Variants in TNPO3 observed in about 807,000 individuals in gnomAD.
TNPO3 encodes transportin 3.
TNPO3 carries 65 observed loss-of-function variants against 122.8 expected under a neutral mutation model. The ratio of observed to expected loss-of-function variants is 0.53; its 90% CI spans 0.43 to 0.65. The LOEUF (loss-of-function observed/expected upper bound fraction) is 0.65, where lower values mean the gene tolerates loss of function less well. TNPO3 is among the 30% of genes least tolerant of loss of function. The pLI is 0.00. For synonymous variants in TNPO3, 372 were observed against 411.2 expected (o/e 0.90, Z 1.15); for missense variants, 850 against 1,136.7 (o/e 0.75, Z 3.63).
intron 7 of TNPO3, 45 bp from the exon 8 acceptor site, chr7:128,997,580 G>A: frequency 6.6e-7 from 1 of 1,515,214 alleles, no homozygotes; most frequent in Non-Finnish European, 9.1e-7. Flanking sequence ...GAAAGGAATA[G>A]AATAAGAAGA....
intron 1 of TNPO3, among the ~76,000 whole-genome samples, chr7:129,028,147 G>A (rs962835224): frequency 2.8e-4 from 42 of 152,088 alleles, no homozygotes; most frequent in African/African-American, 9.7e-4. Context: ...TCTTGACTTG[G>A]GTGGTGGCTA....
intron 7 of TNPO3, among the ~76,000 whole-genome samples, chr7:128,998,923 G>A (rs1299960265): frequency 2.0e-5 from 3 of 151,702 alleles, no homozygotes; most frequent in African/African-American, 4.8e-5. Context: ...GTGTGATCTT[G>A]GCTCACTGCA....
intron 14 of TNPO3, among the ~76,000 whole-genome samples, chr7:128,981,862 G>A (rs1487846862): frequency 6.6e-6 from 1 of 151,636 alleles, no homozygotes; most frequent in Non-Finnish European, 1.5e-5. Context: ...CCAAATAGCT[G>A]GGACCACAGG....
At position 129,000,572 on chromosome 7, in the gene TNPO3, A is replaced by G; in HGVS notation, c.873-5T>C. 1 of 1,612,568 alleles carries G rather than the reference A, an allele frequency of 6.2e-7. No individual in the cohort carries two copies. Among genetic ancestry groups the G allele is most frequent in the Non-Finnish European group, 8.5e-7 (1 of 1,179,184 alleles). Reference sequence around the variant, plus strand: ...ATACGGCAGTAATTCAGAACTCTGTAGAAGACAGGGGAATGAGAACAATGA... The same window carrying G: ...ATACGGCAGTAATTCAGAACTCTGTGGAAGACAGGGGAATGAGAACAATGA... On this transcript the variant is annotated splice_polypyrimidine_tract_variant and splice_region_variant and intron_variant, in intron 6 of 22. Coordinates refer to ENST00000265388, the MANE Select transcript of TNPO3 (RefSeq NM_012470.4).
chr7:128,992,081 T>C lies in TNPO3; in HGVS notation c.1276A>G (p.Thr426Ala), dbSNP rs2150354070. The change falls in exon 10 of 23, where the codon ACT becomes GCT. Residue 426 changes from threonine (T) to alanine (A), a missense_variant. By Grantham distance (58) the Thr-to-Ala change is moderately conservative (BLOSUM62 0). Transcript: ENST00000265388. Reference sequence around the variant, plus strand: ...CAGGGTGGGTTGCCTTCTTTCAGAGTAGAATATAACTAGAGAAGAAGAGGT... The same window carrying C: ...CAGGGTGGGTTGCCTTCTTTCAGAGCAGAATATAACTAGAGAAGAAGAGGT... ...SMECFAQLYS[T>A]LKEGNPPWEV... The C allele has an allele frequency of 6.3e-7, 1 of 1,595,092 alleles. No individual in the cohort carries two copies. Among genetic ancestry groups the C allele is most frequent in the East Asian group, 2.3e-5 (1 of 44,170 alleles).
At chr7:129,016,901 A>G in intron 3 of TNPO3, 82 bp downstream of exon 3, 1 of 1,146,696 alleles carries the variant, frequency 8.7e-7, no homozygotes, top group Non-Finnish European at 1.3e-6. Context: ...ATAGTCAAAT[A>G]TCTAGCTATT....
At chr7:128,983,269 C>T (rs1242481668) in intron 13 of TNPO3, among the ~76,000 whole-genome samples, 6 of 152,030 alleles carry the variant, frequency 3.9e-5, no homozygotes, top group East Asian at 3.9e-4. Flanking sequence ...TACAATGGCG[C>T]GATTTCGGTT....
intron 7 of TNPO3, among the ~76,000 whole-genome samples, chr7:128,997,976 T>C (rs1483463805): frequency 6.6e-6 from 1 of 151,180 alleles, no homozygotes; most frequent in African/African-American, 2.4e-5. Flanking sequence ...TAGCTGGGAC[T>C]ACAGGTACAC....
chr7:129,004,981 G>C (rs941763143), intron 5 of TNPO3, 35 bp downstream of exon 5: 1 of 1,583,420 alleles, frequency 6.3e-7, no homozygotes, highest in Non-Finnish European at 8.6e-7. Flanking sequence ...AAAGTGATTG[G>C]CAGAAATACT....
rs190967912 is a variant in TNPO3 at position 129,035,303 on chromosome 7, C to T, written c.121-17146G>A. On this transcript the variant is annotated intron_variant, in intron 1 of 22. Coordinates refer to ENST00000265388, the MANE Select transcript of TNPO3 (RefSeq NM_012470.4). ...CAACAACAACATATCAAGCATCTAT[C>T]AAACAAAAGCAAAGCCAGGCCAGGA... is the stretch of plus-strand genomic sequence containing the variant. Among the ~76,000 whole-genome samples the T allele has an allele frequency of 2.6e-5, 4 of 152,124 alleles. No individual in the cohort carries two copies. The East Asian group carries it at 7.7e-4, about 29-fold the overall frequency.
In TNPO3 at chr7:129,055,072, A is replaced by G. The variant is rs780399721; in HGVS notation, c.-302T>C. 3 of 378,778 alleles carry G rather than the reference A, an allele frequency of 7.9e-6. No individual in the cohort carries two copies. Among genetic ancestry groups the G allele is most frequent in the Non-Finnish European group, 1.5e-5 (3 of 199,016 alleles). The allele number at this position is 378,778 out of a possible 1,614,324, so 23.5% of individuals were successfully genotyped here. On this transcript the variant is annotated 5_prime_UTR_variant, in exon 1 of 23. Coordinates refer to ENST00000265388, the MANE Select transcript of TNPO3 (RefSeq NM_012470.4). ...GTCGCTGACTTGCCCTCAGAAGCCT[A>G]TCTTGGGAGGCCACACACCAGTGTA...
At chr7:129,053,817 A>G (rs772259028) in intron 1 of TNPO3, among the ~76,000 whole-genome samples, 1 of 152,234 alleles carries the variant, frequency 6.6e-6, no homozygotes, top group Non-Finnish European at 1.5e-5. Context: ...CCAAGAATAC[A>G]CATTTACACA....
intron 4 of TNPO3, among the ~76,000 whole-genome samples, chr7:129,006,237 C>T (rs950385129): frequency 6.6e-6 from 1 of 152,160 alleles, no homozygotes; most frequent in African/African-American, 2.4e-5. Flanking sequence ...AAATAACTTA[C>T]TAATTTCTTA....
chr7:129,020,638 G>A (rs1306451921), intron 1 of TNPO3, among the ~76,000 whole-genome samples: 3 of 151,892 alleles, frequency 2.0e-5, no homozygotes, highest in Non-Finnish European at 2.9e-5. Context: ...ATGGGGTTTC[G>A]CCATGTTGCC....
intron 2 of TNPO3, 114 bp from the exon 3 acceptor site, chr7:129,017,170 A>AC (rs1246503911): frequency 1.0e-6 from 1 of 963,440 alleles, no homozygotes; most frequent in Middle Eastern, 2.2e-4. Context: ...ACTAAGACTA[A>AC]CCCCCTTCCC....
chr7:129,021,674 G>A (rs1804537425), intron 1 of TNPO3, among the ~76,000 whole-genome samples: 1 of 151,966 alleles, frequency 6.6e-6, no homozygotes, highest in Non-Finnish European at 1.5e-5. Flanking sequence ...GAGAAAATAA[G>A]CAGAGTAATA....
chr7:128,993,122 T>A (rs1800926078), intron 9 of TNPO3, among the ~76,000 whole-genome samples: 3 of 134,838 alleles, frequency 2.2e-5, no homozygotes, highest in Admixed American at 2.2e-4. Flanking sequence ...ATACAAAAAA[T>A]GACTGAGTTA....
intron 4 of TNPO3, among the ~76,000 whole-genome samples, chr7:129,010,824 G>C (rs1459223458): frequency 6.6e-6 from 1 of 152,104 alleles, no homozygotes; most frequent in Non-Finnish European, 1.5e-5. Context: ...ATATCCTATA[G>C]GTTGGGTGTG....
At chr7:129,055,263 T>G (rs1809361357), upstream of TNPO3, 1 of 161,490 alleles carries the variant, frequency 6.2e-6, no homozygotes, top group Non-Finnish European at 1.4e-5. Flanking sequence ...AGAGCCGGTG[T>G]TCTCTCTGTT....
Sources: allele counts gnomAD v4.1 joint callset (sites outside exome capture counted in the v4.1 genomes callset), GRCh38; gene constraint gnomAD v4.1.1; transcripts MANE v1.5; gene names NCBI Gene and HGNC (gene_info 2026-07-23, HGNC 2026-07-21).